Variants in NIBAN2 observed in about 807,000 individuals in gnomAD.
NIBAN2 encodes niban apoptosis regulator 2, also known as protein Niban 2.
In NIBAN2, 36 loss-of-function variants were observed where a neutral mutation model predicts 81.8. The observed-to-expected ratio is 0.44, with a 90% CI of 0.34 to 0.58. The LOEUF (loss-of-function observed/expected upper bound fraction) is 0.58. NIBAN2 is among the 20% of genes least tolerant of loss of function. The pLI is 0.02. For missense variants in NIBAN2, 897 were observed against 1,014.1 expected (o/e 0.88, Z 1.57); for synonymous variants, 445 against 441.6 (o/e 1.01, Z -0.10).
chr9:127,537,075 C>G (rs1265500504), intron 1 of NIBAN2, among the ~76,000 whole-genome samples: 1 of 152,212 alleles, frequency 6.6e-6, no homozygotes, highest in African/African-American at 2.4e-5. Context: ...CCAGGTGCTG[C>G]TAGGTGAGAA....
At chr9:127,532,643 A>C (rs922238961) in intron 1 of NIBAN2, among the ~76,000 whole-genome samples, 2 of 151,996 alleles carry the variant, frequency 1.3e-5, no homozygotes, top group African/African-American at 4.8e-5. Flanking sequence ...ACCTATCCGG[A>C]TAGGTGCCAA....
At position 127,536,137 on chromosome 9, in the gene NIBAN2, A is replaced by C. The variant is rs998523849; in HGVS notation, c.56-4359T>G. On this transcript the variant is annotated intron_variant, in intron 1 of 13. Coordinates refer to ENST00000373312, the MANE Select transcript of NIBAN2 (RefSeq NM_022833.4). This position sits in a 1 kb window ranked among gnomAD's most constrained non-coding sequence, Gnocchi z 4.0. ...GAGCACATTCTTGAGAGATGTCCTC[A>C]GCCAGCATGGAAGGAACCGCCACGT... 1.2e-4 allele frequency among the ~76,000 whole-genome samples: 19 copies of C among 152,316 alleles called. No homozygotes were observed. The highest frequency in any genetic ancestry group is 4.3e-4 in the African/African-American group (18 of 41,576).
chr9:127,562,071 C>T (rs920339952), intron 1 of NIBAN2, among the ~76,000 whole-genome samples: 9 of 152,084 alleles, frequency 5.9e-5, no homozygotes, highest in African/African-American at 2.2e-4. Context: ...GGCGCAGGGA[C>T]GGAGAATGGG....
At chr9:127,527,156 C>A in intron 3 of NIBAN2, 38 bp downstream of exon 3, 1 of 1,606,268 alleles carries the variant, frequency 6.2e-7, no homozygotes, top group East Asian at 2.2e-5. Context: ...ATGGAGAAAG[C>A]GGGGAGGCTC....
At chr9:127,544,072 T>C (rs1448301669) in intron 1 of NIBAN2, among the ~76,000 whole-genome samples, 1 of 152,236 alleles carries the variant, frequency 6.6e-6, no homozygotes, top group Non-Finnish European at 1.5e-5. Flanking sequence ...AGCCTGCTTC[T>C]GTTCGCTGCT....
At chr9:127,547,416 T>C (rs1172146648) in intron 1 of NIBAN2, among the ~76,000 whole-genome samples, 4 of 150,896 alleles carry the variant, frequency 2.7e-5, no homozygotes, top group Non-Finnish European at 1.5e-5. Context: ...GCTCGGAAGG[T>C]TGAGGCAGGA....
At position 127,505,645 on chromosome 9, in the gene NIBAN2, T is replaced by C; in HGVS notation, c.*1200A>G. 6.6e-6 allele frequency: 1 copy of C among 151,714 alleles called. No individual in the cohort carries two copies. The highest frequency in any genetic ancestry group is 1.5e-5 in the Non-Finnish European group (1 of 67,946). The allele number at this position is 151,714 out of a possible 1,614,324, so 9.4% of individuals were successfully genotyped here. A position where few individuals can be genotyped will look rare whatever the true frequency, so the allele number is the denominator to read the frequency against. On this transcript the variant is annotated 3_prime_UTR_variant, in exon 14 of 14. Transcript: ENST00000373312. ...ACCCAAAAGGAGTCCATTTCTGCCC[T>C]GCCCCCCGCAAAGCAGCAGGGGAGG...
intron 1 of NIBAN2, 127 bp downstream of exon 1, chr9:127,568,693 A>AGCTCCCACCGGCCCGGCCTG: frequency 1.2e-6 from 1 of 820,678 alleles, no homozygotes; most frequent in Admixed American, 4.7e-5. Flanking sequence ...GCTCCCTGGC[A>AGCTCCCACCGGCCCGGCCTG]GCTCCCACCG....
intron 1 of NIBAN2, among the ~76,000 whole-genome samples, chr9:127,550,570 A>G (rs957679408): frequency 6.6e-6 from 1 of 152,250 alleles, no homozygotes; most frequent in African/African-American, 2.4e-5. Flanking sequence ...ACTATGTGAC[A>G]TTAGACCAGA....
At chr9:127,548,964 G>C (rs1487799972) in intron 1 of NIBAN2, among the ~76,000 whole-genome samples, 1 of 152,184 alleles carries the variant, frequency 6.6e-6, no homozygotes, top group Admixed American at 6.5e-5. Flanking sequence ...TGGCGGGTAG[G>C]GAAGGCCTCA....
chr9:127,513,323 G>A (rs1836769647), intron 8 of NIBAN2, among the ~76,000 whole-genome samples: 1 of 152,148 alleles, frequency 6.6e-6, no homozygotes, highest in Admixed American at 6.6e-5. Context: ...GGGGAGATGG[G>A]AATGGTTAAT....
intron 1 of NIBAN2, among the ~76,000 whole-genome samples, chr9:127,562,698 G>C (rs932453717): frequency 4.6e-5 from 7 of 152,198 alleles, no homozygotes; most frequent in Non-Finnish European, 1.5e-5. Flanking sequence ...GCTGGGAGAT[G>C]AATCGGTCTT....
intron 1 of NIBAN2, among the ~76,000 whole-genome samples, chr9:127,538,559 A>G (rs963453250): frequency 7.9e-5 from 12 of 151,214 alleles, no homozygotes; most frequent in Admixed American, 2.0e-4. Flanking sequence ...TCTGAGAGGC[A>G]GAGGTTGCTG....
chr9:127,556,431 T>C (rs1027942610), intron 1 of NIBAN2, among the ~76,000 whole-genome samples: 2 of 151,650 alleles, frequency 1.3e-5, no homozygotes, highest in Non-Finnish European at 2.9e-5. Context: ...ATCCCCATGC[T>C]CCCAGGATGT....
chr9:127,540,379 G>T (rs966841127), intron 1 of NIBAN2, among the ~76,000 whole-genome samples: 4 of 152,078 alleles, frequency 2.6e-5, no homozygotes, highest in Non-Finnish European at 5.9e-5. Flanking sequence ...GGAGTCCAGG[G>T]GTTCTCAGAA....
rs189038344 is a variant in NIBAN2 at position 127,527,136 on chromosome 9, G to C, written c.315+58C>G. Reference sequence around the variant, plus strand: ...GGGCCTAAGTTTCCGAGTTGGGGGAGGGGGCACACATGGAGAAAGCGGGGA... The same window carrying C: ...GGGCCTAAGTTTCCGAGTTGGGGGACGGGGCACACATGGAGAAAGCGGGGA... On this transcript the variant is annotated intron_variant, in intron 3 of 13. Coordinates refer to ENST00000373312, the MANE Select transcript of NIBAN2 (RefSeq NM_022833.4). 7 of 1,595,840 alleles carry C rather than the reference G, an allele frequency of 4.4e-6. No individual in the cohort carries two copies. The East Asian group carries it at 1.3e-4, about 31-fold the overall frequency.
intron 1 of NIBAN2, among the ~76,000 whole-genome samples, chr9:127,534,205 T>G (rs2247493): frequency 0.61 from 93,456 of 152,172 alleles, 29,820 homozygotes; most frequent in Middle Eastern, 0.75. Flanking sequence ...CCCTGCCATC[T>G]CTGACAGTCT....
chr9:127,567,425 G>A (rs186155702), intron 1 of NIBAN2, among the ~76,000 whole-genome samples: 1 of 152,126 alleles, frequency 6.6e-6, no homozygotes, highest in Non-Finnish European at 1.5e-5. Flanking sequence ...GGCTAGAGAG[G>A]GTCCGATTCA....
chr9:127,572,339 C>T (rs1837959163), upstream of NIBAN2, among the ~76,000 whole-genome samples: 1 of 152,170 alleles, frequency 6.6e-6, no homozygotes, highest in Non-Finnish European at 1.5e-5. Context: ...CATGCAAGCA[C>T]CTACTATGTG....
Sources: gnomAD v4.1 joint callset for allele counts (sites outside exome capture counted in the v4.1 genomes callset) on GRCh38, gnomAD v4.1.1 for gene constraint, Gnocchi (gnomAD v3.1) non-coding constraint, MANE v1.5 for transcripts, NCBI Gene and HGNC (gene_info 2026-07-23, HGNC 2026-07-21) for gene names.